Variants in OCA2 observed in about 807,000 individuals in gnomAD.
The protein encoded by OCA2 is P protein.
OCA2 carries 77 observed loss-of-function variants against 100.2 expected under a neutral mutation model. That is an observed-to-expected ratio of 0.77 (90% CI 0.64 to 0.93). OCA2 has a LOEUF of 0.93. Ranked by LOEUF, OCA2 falls within the 40% of genes least tolerant of loss-of-function variation. OCA2 has a pLI of 0.00. For synonymous variants in OCA2, 432 were observed against 439.2 expected, an observed-to-expected ratio of 0.98 and a Z score of 0.21; for missense variants, 1,062 against 1,089.1, an observed-to-expected ratio of 0.98 and a Z score of 0.35.
chr15:28,069,553 C>T (rs1006061024), intron 2 of OCA2, among the ~76,000 whole-genome samples: 5 of 140,656 alleles, frequency 3.6e-5, no homozygotes, highest in Admixed American at 3.5e-4. Context: ...CCTGCGATTG[C>T]AGGCACGCGC....
intron 23 of OCA2, among the ~76,000 whole-genome samples, chr15:27,775,347 C>A (rs1595390348): frequency 6.6e-6 from 1 of 152,302 alleles, no homozygotes; most frequent in East Asian, 1.9e-4. Flanking sequence ...TGCCCAGACG[C>A]CCAGTTCTCA....
chr15:28,082,249 AGGACGTGGGCGG>A (rs2044662044), intron 1 of OCA2, among the ~76,000 whole-genome samples: 3 of 152,234 alleles, frequency 2.0e-5, no homozygotes. Context: ...ACCAATCAGC[AGGACGTGGGCGG>A]GGACAAATAA....
chr15:27,848,606 C>G (rs543801596), intron 22 of OCA2, among the ~76,000 whole-genome samples: 2 of 152,318 alleles, frequency 1.3e-5, no homozygotes, highest in East Asian at 3.9e-4. Flanking sequence ...GATCCAGAGG[C>G]AGAACAAGGG....
intron 2 of OCA2, among the ~76,000 whole-genome samples, chr15:28,074,535 G>A (rs945509993): frequency 2.1e-4 from 32 of 152,218 alleles, no homozygotes; most frequent in Admixed American, 2.0e-3. Context: ...TTAGCCAGGC[G>A]TGGTGGCGGA....
At chr15:27,989,947 G>T (rs1337821717) in intron 10 of OCA2, among the ~76,000 whole-genome samples, 4 of 152,108 alleles carry the variant, frequency 2.6e-5, no homozygotes, top group African/African-American at 7.2e-5. Context: ...GTTACATTCC[G>T]AGTGGAGTCT....
In OCA2 at chr15:27,966,786, T is replaced by A; in HGVS notation, c.1540A>T (p.Ile514Phe). The stretch of plus-strand genomic sequence containing the variant: ...ACCAGGAGAACAAGGCAAATCCCAA[T>A]GAACATGTGTGCAGTGAATCCGGCA... ...DFAGFTAHMF[I>F]GICLVLLVCF... Residue 514 changes from isoleucine (I) to phenylalanine (F), a missense_variant, in exon 15 of 24, where the codon ATT becomes TTT. Ile to Phe is a conservative substitution (Grantham distance 21). Coordinates refer to ENST00000354638, the MANE Select transcript of OCA2 (RefSeq NM_000275.3). The A allele has an allele frequency of 6.2e-7, 1 of 1,612,954 alleles. No individual in the cohort carries two copies. Among genetic ancestry groups the A allele is most frequent in the South Asian group, 1.1e-5 (1 of 91,010 alleles).
At chr15:27,984,212 G>A (rs935185892) in intron 13 of OCA2, among the ~76,000 whole-genome samples, 10 of 151,944 alleles carry the variant, frequency 6.6e-5, no homozygotes, top group African/African-American at 2.4e-4. Flanking sequence ...TACAGCTGTG[G>A]AGCTCCACCA....
the OCA2 span, among the ~76,000 whole-genome samples, chr15:27,724,098 CA>C: frequency 6.6e-6 from 1 of 152,106 alleles, no homozygotes; most frequent in Admixed American, 6.5e-5. Flanking sequence ...CAGAGGTGGC[CA>C]AAGGCTTTCT....
chr15:28,063,246 T>C (rs2043928393), intron 2 of OCA2, among the ~76,000 whole-genome samples: 1 of 152,170 alleles, frequency 6.6e-6, no homozygotes, highest in African/African-American at 2.4e-5. Context: ...TTTTGATTAC[T>C]GTTTTCATGA....
At chr15:27,780,342 T>C (rs1327923299) in intron 23 of OCA2, among the ~76,000 whole-genome samples, 2 of 152,202 alleles carry the variant, frequency 1.3e-5, no homozygotes, top group African/African-American at 4.8e-5. Context: ...CAGTTGGCCC[T>C]CTGGGCATTC....
chr15:27,775,895 C>T (rs1006709781), intron 23 of OCA2, among the ~76,000 whole-genome samples: 1 of 152,236 alleles, frequency 6.6e-6, no homozygotes, highest in African/African-American at 2.4e-5. Flanking sequence ...TGTAAAGGCC[C>T]TGTCTGCAAA....
chr15:28,003,151 T>C (rs1434570085), intron 9 of OCA2, among the ~76,000 whole-genome samples: 1 of 152,230 alleles, frequency 6.6e-6, no homozygotes, highest in Non-Finnish European at 1.5e-5. Context: ...AGAGCTGAAT[T>C]TTCAGTACTC....
At chr15:28,055,319 A>G (rs960340314) in intron 2 of OCA2, among the ~76,000 whole-genome samples, 1 of 152,082 alleles carries the variant, frequency 6.6e-6, no homozygotes, top group Non-Finnish European at 1.5e-5. Flanking sequence ...GTTTTTTCAC[A>G]TATCTGATCT....
chr15:27,855,046 T>C (rs1200987773), intron 21 of OCA2, among the ~76,000 whole-genome samples: 1 of 152,226 alleles, frequency 6.6e-6, no homozygotes, highest in East Asian at 1.9e-4. Context: ...TGCCAGATTC[T>C]GTTACAGGCT....
intron 2 of OCA2, among the ~76,000 whole-genome samples, chr15:28,049,021 A>G (rs560290199): frequency 1.4e-3 from 210 of 152,314 alleles, no homozygotes; most frequent in African/African-American, 4.7e-3. Context: ...AGAACAAAAG[A>G]CATTCTCAAG....
intron 23 of OCA2, among the ~76,000 whole-genome samples, chr15:27,760,670 C>A (rs890381982): frequency 6.6e-6 from 1 of 151,928 alleles, no homozygotes; most frequent in Admixed American, 6.6e-5. Context: ...TTAAAAGTTT[C>A]TCATATTAAC....
At chr15:27,858,769 AT>A (rs1207376705) in intron 21 of OCA2, among the ~76,000 whole-genome samples, 7 of 152,164 alleles carry the variant, frequency 4.6e-5, no homozygotes, top group Non-Finnish European at 1.5e-5. Context: ...GAGACATAAA[AT>A]ATTCCCCAAG....
the OCA2 span, among the ~76,000 whole-genome samples, chr15:27,738,610 CT>C: frequency 6.6e-6 from 1 of 151,842 alleles, no homozygotes; most frequent in Non-Finnish European, 1.5e-5. Flanking sequence ...TGGTGGGCGC[CT>C]GTAGTCCCAG....
rs185685881 is a variant in OCA2, at chr15:27,963,760, A to G, written c.1636+2930T>C. Among the ~76,000 whole-genome samples the G allele has an allele frequency of 1.4e-3, 217 of 152,166 alleles. 4 individuals are homozygous for G. Among genetic ancestry groups the G allele is most frequent in the Admixed American group, 0.014 (214 of 15,288 alleles). Reference sequence around the variant, plus strand: ...GTAAGCAGAAAAAAAATAAATAAAGAGCACAATAGACATTATTAAAAGAGA... The same window carrying G: ...GTAAGCAGAAAAAAAATAAATAAAGGGCACAATAGACATTATTAAAAGAGA... On this transcript the variant is annotated intron_variant, in intron 15 of 23. Transcript: ENST00000354638.
Sources: gnomAD v4.1 joint callset for allele counts (sites outside exome capture counted in the v4.1 genomes callset) on GRCh38, gnomAD v4.1.1 for gene constraint, MANE v1.5 for transcripts, NCBI Gene and HGNC (gene_info 2026-07-23, HGNC 2026-07-21) for gene names.